ENDOD1: variants seen among roughly 807,000 people sequenced by gnomAD.
ENDOD1 encodes the protein endonuclease domain-containing 1 protein.
ENDOD1 carries 9 observed loss-of-function variants against 6.5 expected under a neutral mutation model. That is an observed-to-expected ratio of 1.39 (90% CI 0.84 to 2.43). The LOEUF is 2.43. Ranked by LOEUF, ENDOD1 falls within the 30% of genes most tolerant of loss-of-function variation. ENDOD1 has a pLI of 0.00. For missense variants in ENDOD1, 648 were observed against 635.5 expected, an observed-to-expected ratio of 1.02 and a Z score of -0.21; for synonymous variants, 255 against 255.2, an observed-to-expected ratio of 1.00 and a Z score of 0.01.
intron 1 of ENDOD1, among the ~76,000 whole-genome samples, chr11:95,124,962 GTTCTCTCTCATTTAC>G (rs1219384452): frequency 1.3e-5 from 2 of 152,072 alleles, no homozygotes; most frequent in African/African-American, 2.4e-5. Flanking sequence ...TGCCATGCAC[GTTCTCTCTCATTTAC>G]TTCTCTCTCA....
chr11:95,092,207 C>T (rs1213794703), intron 1 of ENDOD1, among the ~76,000 whole-genome samples: 23 of 151,864 alleles, frequency 1.5e-4, no homozygotes, highest in Admixed American at 1.5e-3. Context: ...ATGGCAGATT[C>T]AGGGATTTGT....
intron 1 of ENDOD1, among the ~76,000 whole-genome samples, chr11:95,112,783 A>G (rs1205723021): frequency 6.6e-6 from 1 of 152,080 alleles, no homozygotes; most frequent in African/African-American, 2.4e-5. Context: ...TCTTTCTAAC[A>G]TTTATTTAGC....
chr11:95,127,350 T>C (rs1859321507), intron 1 of ENDOD1, among the ~76,000 whole-genome samples: 1 of 152,224 alleles, frequency 6.6e-6, no homozygotes, highest in South Asian at 2.1e-4. Context: ...GATGTATATA[T>C]TGATGGCAAT....
In ENDOD1 at chr11:95,128,674, A is replaced by G; in HGVS notation, c.598A>G (p.Thr200Ala). Residue 200 changes from threonine (T) to alanine (A), a missense_variant, in exon 2 of 2, where the codon ACA becomes GCA. Physicochemically the swap from Thr to Ala is moderately conservative, Grantham distance 58. Transcript: ENST00000278505. ...CAGTGGGGAAGACCTATATATCCTC[A>G]CAGGCACAGTGCCCTCAGACTACAG... ...CGSGEDLYIL[T>A]GTVPSDYRVK... 6.2e-7 allele frequency: 1 copy of G among 1,614,124 alleles called. No individual in the cohort carries two copies. The highest frequency in any genetic ancestry group is 2.2e-5 in the East Asian group (1 of 44,880).
chr11:95,103,838 A>G (rs1469908552), intron 1 of ENDOD1, among the ~76,000 whole-genome samples: 1 of 152,182 alleles, frequency 6.6e-6, no homozygotes, highest in African/African-American at 2.4e-5. Context: ...GTGCCTAAAC[A>G]CTCGGCGCAT....
intron 1 of ENDOD1, among the ~76,000 whole-genome samples, chr11:95,100,865 G>GATT (rs1555110779): frequency 1.4e-5 from 1 of 72,292 alleles, no homozygotes; most frequent in Non-Finnish European, 2.4e-5. Flanking sequence ...CCTGCTGGGT[G>GATT]TTTTTTTTTT....
intron 1 of ENDOD1, among the ~76,000 whole-genome samples, chr11:95,122,058 T>C (rs1859267018): frequency 6.6e-6 from 1 of 152,160 alleles, no homozygotes; most frequent in Admixed American, 6.5e-5. Flanking sequence ...TTTTTGTCTT[T>C]AGGGAGCAAT....
At chr11:95,106,911 C>T (rs1859094782) in intron 1 of ENDOD1, among the ~76,000 whole-genome samples, 1 of 152,044 alleles carries the variant, frequency 6.6e-6, no homozygotes, top group Admixed American at 6.5e-5. Context: ...GAATGTATCT[C>T]TGTGGTGAAG....
At chr11:95,112,118 T>G (rs782495624) in intron 1 of ENDOD1, among the ~76,000 whole-genome samples, 5 of 152,198 alleles carry the variant, frequency 3.3e-5, no homozygotes, top group Non-Finnish European at 7.3e-5. Context: ...TTCTCTTTCC[T>G]CTCTGCAGCA....
intron 1 of ENDOD1, among the ~76,000 whole-genome samples, chr11:95,114,602 T>G (rs1859185417): frequency 6.6e-6 from 1 of 152,180 alleles, no homozygotes. Context: ...GTTTCCCCAG[T>G]GTTTTCTGTA....
At position 95,117,277 on chromosome 11, in the gene ENDOD1, C is replaced by T. The variant is rs139973583; in HGVS notation, c.301-11100C>T. Among the ~76,000 whole-genome samples, 262 of 152,278 alleles carry T rather than the reference C, an allele frequency of 1.7e-3. 7 individuals carry two copies. The East Asian group carries it at 0.042, about 24-fold the overall frequency. On this transcript the variant is annotated intron_variant, in intron 1 of 1. Coordinates refer to ENST00000278505, the MANE Select transcript of ENDOD1 (RefSeq NM_015036.3). Reference sequence around the variant, plus strand: ...TACAAAAATTAGCCAGGTGTGGTGGCATGTGCCTGTAATCCCAGCTACCTG... The same window carrying T: ...TACAAAAATTAGCCAGGTGTGGTGGTATGTGCCTGTAATCCCAGCTACCTG...
intron 1 of ENDOD1, among the ~76,000 whole-genome samples, chr11:95,123,383 A>G (rs73528776): frequency 0.036 from 5,495 of 152,038 alleles, 265 homozygotes; most frequent in African/African-American, 0.11. Context: ...GTTGTGGGTA[A>G]TAGTTAATAC....
At chr11:95,111,768 T>C (rs1859152935) in intron 1 of ENDOD1, among the ~76,000 whole-genome samples, 1 of 152,174 alleles carries the variant, frequency 6.6e-6, no homozygotes, top group African/African-American at 2.4e-5. Flanking sequence ...TGTGGACCAG[T>C]ACTGGTCCAT....
intron 1 of ENDOD1, among the ~76,000 whole-genome samples, chr11:95,103,010 T>A (rs917399790): frequency 6.6e-6 from 1 of 152,166 alleles, no homozygotes; most frequent in African/African-American, 2.4e-5. Context: ...TTGTTACTGC[T>A]GTTGCTTTCA....
rs1426247099 is a variant in ENDOD1, at chr11:95,130,388, A to C, written c.*809A>C. 1 of 152,086 alleles carries C rather than the reference A, an allele frequency of 6.6e-6. No individual in the cohort carries two copies. The highest frequency in any genetic ancestry group is 1.5e-5 in the Non-Finnish European group (1 of 68,024). 9.4% of individuals were successfully genotyped at this position (152,086 alleles called of 1,614,324 possible). A position where few individuals can be genotyped will look rare whatever the true frequency, so the allele number is the denominator to read the frequency against. On this transcript the variant is annotated 3_prime_UTR_variant, in exon 2 of 2. Coordinates refer to ENST00000278505, the MANE Select transcript of ENDOD1 (RefSeq NM_015036.3). Reference sequence around the variant, plus strand: ...TCTCCGGTGGAAAGAAGAGAAGAGAAGGTGGACAGCCCTGCTCTTAGTAGG... The same window carrying C: ...TCTCCGGTGGAAAGAAGAGAAGAGACGGTGGACAGCCCTGCTCTTAGTAGG...
chr11:95,119,570 G>A (rs1019117681), intron 1 of ENDOD1, among the ~76,000 whole-genome samples: 5 of 152,136 alleles, frequency 3.3e-5, no homozygotes, highest in East Asian at 1.9e-4. Flanking sequence ...AGTGACACAA[G>A]CACCCCTGTG....
At chr11:95,126,257 T>C (rs1165265317) in intron 1 of ENDOD1, among the ~76,000 whole-genome samples, 1 of 152,230 alleles carries the variant, frequency 6.6e-6, no homozygotes, top group Non-Finnish European at 1.5e-5. Context: ...GCCAGAGAGA[T>C]GTGCAGTTGG....
Position 95,090,049 on chromosome 11 carries a change from G to A in ENDOD1, c.122G>A (p.Gly41Glu). The A allele has an allele frequency of 1.9e-6, 3 of 1,602,284 alleles. No individual in the cohort carries two copies. Among genetic ancestry groups the A allele is most frequent in the Non-Finnish European group, 2.6e-6 (3 of 1,175,694 alleles). ...FGECDKFFYA[G>E]TPPAGLAADS... is the part of the protein sequence containing the mutation. ...GAATGTGACAAGTTCTTCTACGCCG[G>A]GACCCCGCCTGCGGGGCTGGCGGCC... The change falls in exon 1 of 2, where the codon GGG (glycine) becomes GAG (glutamate). Residue 41 changes from glycine to glutamate, a missense_variant. Transcript: ENST00000278505.
At chr11:95,101,313 C>A (rs1387975168) in intron 1 of ENDOD1, among the ~76,000 whole-genome samples, 1 of 152,084 alleles carries the variant, frequency 6.6e-6, no homozygotes, top group Non-Finnish European at 1.5e-5. Context: ...CCTGGTGTAG[C>A]GTAATTCCAG....
Sources: gnomAD v4.1 joint callset for allele counts (sites outside exome capture counted in the v4.1 genomes callset) on GRCh38, gnomAD v4.1.1 for gene constraint, MANE v1.5 for transcripts, NCBI Gene and HGNC (gene_info 2026-07-23, HGNC 2026-07-21) for gene names.